The following ADAMTSL1 variants were observed in gnomAD, a reference collection of about 807,000 sequenced individuals.
The protein encoded by ADAMTSL1 is ADAMTS-like protein 1.
In ADAMTSL1, 126 loss-of-function variants were observed where a neutral mutation model predicts 201.8. That is an observed-to-expected ratio of 0.62 (90% CI 0.54 to 0.72). The LOEUF (loss-of-function observed/expected upper bound fraction) is 0.72. ADAMTSL1 is among the 30% of genes least tolerant of loss of function. The pLI is 0.00. For missense variants in ADAMTSL1, 2,679 were observed against 2,277.8 expected (o/e 1.18, Z -3.59); for synonymous variants, 1,121 against 903.4 (o/e 1.24, Z -4.32).
chr9:17,995,914 AT>A (rs1819356198), intron 1 of ADAMTSL1, among the ~76,000 whole-genome samples: 9 of 151,898 alleles, frequency 5.9e-5, no homozygotes, highest in Non-Finnish European at 1.2e-4. Flanking sequence ...CAATTTCCTC[AT>A]CTCTAAAATG....
chr9:18,122,208 C>G (rs988193960), intron 1 of ADAMTSL1, among the ~76,000 whole-genome samples: 2 of 151,958 alleles, frequency 1.3e-5, no homozygotes, highest in Non-Finnish European at 2.9e-5. Flanking sequence ...ATGTCCACAC[C>G]AAAACTTATA....
At chr9:18,469,457 AT>A (rs1289170478), upstream of ADAMTSL1, among the ~76,000 whole-genome samples, 2 of 152,246 alleles carry the variant, frequency 1.3e-5, no homozygotes, top group African/African-American at 4.8e-5. Context: ...GTTATAGGAT[AT>A]TAAATAACAC....
At chr9:17,994,834 A>G (rs1428132258) in intron 1 of ADAMTSL1, among the ~76,000 whole-genome samples, 1 of 152,140 alleles carries the variant, frequency 6.6e-6, no homozygotes, top group Non-Finnish European at 1.5e-5. Flanking sequence ...ATTAAAGTGG[A>G]CGCATCAGTA....
intron 1 of ADAMTSL1, among the ~76,000 whole-genome samples, chr9:17,965,407 T>C (rs112697428): frequency 4.0e-4 from 61 of 152,304 alleles, no homozygotes; most frequent in African/African-American, 1.5e-3. Flanking sequence ...GGCAGGCATA[T>C]TGATTTCATT....
rs76089997 is a variant in ADAMTSL1 at position 18,059,341 on chromosome 9, C to T, written c.88-104521C>T. Among the ~76,000 whole-genome samples the T allele has an allele frequency of 8.0e-3, 1,215 of 152,164 alleles. 14 individuals are homozygous for T. Among genetic ancestry groups the T allele is most frequent in the African/African-American group, 0.028 (1,159 of 41,514 alleles). On this transcript the variant is annotated intron_variant, in intron 1 of 29. Coordinates refer to the ADAMTSL1 transcript ENST00000680146. ...TGGTGTTTGTAGAATTAAGATAAATCGAGTATCATTTTTTTGGTTGAGTCA... is the reference window on the plus strand; with the variant it reads ...TGGTGTTTGTAGAATTAAGATAAATTGAGTATCATTTTTTTGGTTGAGTCA...
chr9:18,037,168 GA>G (rs1202863196), intron 1 of ADAMTSL1, among the ~76,000 whole-genome samples: 11 of 152,086 alleles, frequency 7.2e-5, no homozygotes, highest in Admixed American at 5.9e-4. Context: ...AAGCTTCAGG[GA>G]AAAAAACTTC....
intron 4 of ADAMTSL1, among the ~76,000 whole-genome samples, chr9:18,577,099 A>C (rs932891963): frequency 5.9e-5 from 9 of 152,222 alleles, no homozygotes; most frequent in Admixed American, 5.9e-4. Flanking sequence ...ATTCAGATTT[A>C]TTAATTCTAT....
chr9:18,159,464 T>G (rs1397782290), intron 1 of ADAMTSL1, among the ~76,000 whole-genome samples: 2 of 152,036 alleles, frequency 1.3e-5, no homozygotes, highest in African/African-American at 4.8e-5. Flanking sequence ...AATATATGGC[T>G]GCCTCTCCCA....
intron 2 of ADAMTSL1, among the ~76,000 whole-genome samples, chr9:18,222,838 C>T (rs563810939): frequency 1.3e-5 from 2 of 151,962 alleles, no homozygotes; most frequent in Admixed American, 1.3e-4. Flanking sequence ...GTAGACAATT[C>T]CAGGTTGATA....
chr9:18,829,903 C>G lies in ADAMTSL1; in HGVS notation c.4175C>G (p.Pro1392Arg), dbSNP rs368567865. ...AGGGCCTTGCTCGCTGCCACTGGACCGAACCTTCCTTCAGTGCTGACGTCT... is the reference window on the plus strand; with the variant it reads ...AGGGCCTTGCTCGCTGCCACTGGACGGAACCTTCCTTCAGTGCTGACGTCT... ...DIRALLAATG[P>R]NLPSVLTSPL... Residue 1392 changes from proline (P) to arginine (R), a missense_variant, in exon 23 of 29, where the codon CCG (proline) becomes CGG (arginine). Pro to Arg is a moderately radical substitution (Grantham distance 103, BLOSUM62 -2). Transcript: ENST00000380548. The G allele has an allele frequency of 1.2e-6, 2 of 1,613,766 alleles. No homozygotes were observed. Among genetic ancestry groups the G allele is most frequent in the East Asian group, 2.2e-5 (1 of 44,882 alleles).
chr9:18,599,364 C>T (rs184010434), intron 4 of ADAMTSL1, among the ~76,000 whole-genome samples: 1 of 152,234 alleles, frequency 6.6e-6, no homozygotes, highest in African/African-American at 2.4e-5. Context: ...GAAGGTGTGC[C>T]TTGGGACAGG....
intron 12 of ADAMTSL1, 121 bp downstream of exon 12, chr9:18,682,080 T>G: frequency 1.7e-6 from 2 of 1,152,284 alleles, no homozygotes; most frequent in Non-Finnish European, 2.4e-6. Flanking sequence ...CTTTATAACT[T>G]AAACTCTACT....
rs1026996396 is a variant in ADAMTSL1, at chr9:18,633,896, G to A, written c.602-2047G>A. On this transcript the variant is annotated intron_variant, in intron 5 of 28. Coordinates refer to ENST00000380548, the MANE Select transcript of ADAMTSL1 (RefSeq NM_001040272.6). Reference sequence around the variant, plus strand: ...AATGTGCTAGGGGCCTTGGAGAGTTGAAACACTATTTAAAAAAAAAATAGT... The same window carrying A: ...AATGTGCTAGGGGCCTTGGAGAGTTAAAACACTATTTAAAAAAAAAATAGT... 2.0e-5 allele frequency among the ~76,000 whole-genome samples: 3 copies of A among 148,770 alleles called. No individual in the cohort carries two copies. The South Asian group carries it at 6.4e-4, about 32-fold the overall frequency.
chr9:18,511,950 A>T (rs1400453486), intron 2 of ADAMTSL1, among the ~76,000 whole-genome samples: 2 of 152,150 alleles, frequency 1.3e-5, no homozygotes, highest in Non-Finnish European at 2.9e-5. Flanking sequence ...GTGAGCCCCA[A>T]AGCAGGCTTT....
At chr9:17,929,634 T>A (rs952241121) in intron 1 of ADAMTSL1, among the ~76,000 whole-genome samples, 1 of 152,150 alleles carries the variant, frequency 6.6e-6, no homozygotes, top group African/African-American at 2.4e-5. Context: ...CGTTCTTACT[T>A]AAGGGACTTT....
At chr9:18,253,424 T>A (rs1347749299) in intron 2 of ADAMTSL1, among the ~76,000 whole-genome samples, 1 of 152,218 alleles carries the variant, frequency 6.6e-6, no homozygotes, top group Non-Finnish European at 1.5e-5. Context: ...TAATTCTAAC[T>A]AGTTGTCTAA....
At chr9:18,244,958 T>C (rs1475617446) in intron 2 of ADAMTSL1, among the ~76,000 whole-genome samples, 1 of 152,190 alleles carries the variant, frequency 6.6e-6, no homozygotes, top group Non-Finnish European at 1.5e-5. Context: ...GATTGAACTG[T>C]CCCAAACAAC....
intron 1 of ADAMTSL1, among the ~76,000 whole-genome samples, chr9:17,929,588 G>T (rs960553432): frequency 1.3e-5 from 2 of 151,964 alleles, no homozygotes; most frequent in Admixed American, 1.3e-4. Flanking sequence ...CAGGTGTCCT[G>T]CCCTTCTTTT....
At chr9:18,901,629 T>G (rs1232490469) in intron 26 of ADAMTSL1, among the ~76,000 whole-genome samples, 1 of 151,956 alleles carries the variant, frequency 6.6e-6, no homozygotes, top group Non-Finnish European at 1.5e-5. Flanking sequence ...TTATATGTAA[T>G]CCCCATGGTA....
Sources: gnomAD v4.1 joint callset for allele counts (sites outside exome capture counted in the v4.1 genomes callset) on GRCh38, gnomAD v4.1.1 for gene constraint, MANE v1.5 for transcripts, NCBI Gene and HGNC (gene_info 2026-07-23, HGNC 2026-07-21) for gene names.